The following UBE2O variants were observed in gnomAD, a reference collection of about 807,000 sequenced individuals.
UBE2O encodes ubiquitin conjugating enzyme E2 O, also known as (E3-independent) E2 ubiquitin-conjugating enzyme.
UBE2O carries 15 observed loss-of-function variants against 125.8 expected under a neutral mutation model. That is an observed-to-expected ratio of 0.12 (90% CI 0.08 to 0.18). UBE2O has a LOEUF of 0.18. UBE2O is among the 10% of genes least tolerant of loss of function. UBE2O has a pLI of 1.00. For synonymous variants in UBE2O, 708 were observed against 703.2 expected (o/e 1.01, Z -0.11); for missense variants, 1,280 against 1,723.6 (o/e 0.74, Z 4.56).
At chr17:76,415,710 T>G (rs1218680877) in intron 1 of UBE2O, among the ~76,000 whole-genome samples, 1 of 151,320 alleles carries the variant, frequency 6.6e-6, no homozygotes, top group Non-Finnish European at 1.5e-5. Flanking sequence ...GAGGCCGAGG[T>G]AGGAGAATTG....
Position 76,390,627 on chromosome 17 carries a change from C to G in UBE2O, c.*316G>C. On this transcript the variant is annotated 3_prime_UTR_variant, in exon 18 of 18. Transcript: ENST00000319380. ...GCCCCGCGGCAGGCCCTGGAACACC[C>G]GCCTCTGACCTGAGAAGGGGCAGCA... 1 of 269,180 alleles carries G rather than the reference C, an allele frequency of 3.7e-6. No homozygotes were observed. The allele number at this position is 269,180 out of a possible 1,614,324, so 16.7% of individuals were successfully genotyped here.
rs1016626515 is a variant in UBE2O at position 76,429,151 on chromosome 17, C to T, written c.417+23574G>A. Among the ~76,000 whole-genome samples the T allele has an allele frequency of 5.3e-5, 8 of 151,858 alleles. No homozygotes were observed. The South Asian group carries it at 6.2e-4, about 12-fold the overall frequency. Reference sequence around the variant, plus strand: ...TCCTGACCTCGTGATCTGCCCGCCTCGGCCTCCCAAAGTGCTGGGATTACA... The same window carrying T: ...TCCTGACCTCGTGATCTGCCCGCCTTGGCCTCCCAAAGTGCTGGGATTACA... On this transcript the variant is annotated intron_variant, in intron 1 of 17. Coordinates refer to ENST00000319380, the MANE Select transcript of UBE2O (RefSeq NM_022066.4).
rs980099106 is a variant in UBE2O at position 76,389,578 on chromosome 17, G to A, written c.*1365C>T. On this transcript the variant is annotated 3_prime_UTR_variant, in exon 18 of 18. Coordinates refer to ENST00000319380, the MANE Select transcript of UBE2O (RefSeq NM_022066.4). ...TCACACAGCACTTTATACAGATATC[G>A]TAAGCAGTAGGCATTCACATCTCCA... is the stretch of plus-strand genomic sequence containing the variant. The A allele has an allele frequency of 2.0e-5, 3 of 150,210 alleles. No homozygotes were observed. Among genetic ancestry groups the A allele is most frequent in the Admixed American group, 6.6e-5 (1 of 15,108 alleles). The allele number at this position is 150,210 out of a possible 1,614,324, so 9.3% of individuals were successfully genotyped here.
chr17:76,415,960 CGT>C (rs2072599481), intron 1 of UBE2O, among the ~76,000 whole-genome samples: 2 of 151,576 alleles, frequency 1.3e-5, no homozygotes, highest in Non-Finnish European at 2.9e-5. Flanking sequence ...TGCACATACA[CGT>C]ATATACGTAT....
rs116322643 is a variant in UBE2O at position 76,416,184 on chromosome 17, A to G, written c.418-10612T>C. On this transcript the variant is annotated intron_variant, in intron 1 of 17. Coordinates refer to ENST00000319380, the MANE Select transcript of UBE2O (RefSeq NM_022066.4). ...TATATACACATACGTGTGTGTGTGT[A>G]TATGTATATGTGTATATGTGTGTGT... is the stretch of plus-strand genomic sequence containing the variant. 5.9e-3 allele frequency among the ~76,000 whole-genome samples: 894 copies of G among 151,828 alleles called. 9 individuals carry two copies. The highest frequency in any genetic ancestry group is 0.02 in the African/African-American group (832 of 41,380).
At chr17:76,444,850 G>A (rs559202646) in intron 1 of UBE2O, among the ~76,000 whole-genome samples, 1 of 152,288 alleles carries the variant, frequency 6.6e-6, no homozygotes, top group Admixed American at 6.5e-5. Flanking sequence ...CATGAATACC[G>A]GGATGCTTTC....
Position 76,395,830 on chromosome 17 carries a change from C to G in UBE2O, c.2841G>C (p.Gln947His), listed in dbSNP as rs149193728. 2 of 1,614,208 alleles carry G rather than the reference C, an allele frequency of 1.2e-6. No homozygotes were observed. Among genetic ancestry groups the G allele is most frequent in the Non-Finnish European group, 1.7e-6 (2 of 1,180,042 alleles). ...SNHSFKKIEF[Q>H]PPEAKKFFST... ...TGAAGAACTTCTTGGCTTCTGGAGG[C>G]TGGAACTCAATTTTCTTAAAAGAAT... The change falls in exon 15 of 18, where the codon CAG becomes CAC. Residue 947 changes from glutamine to histidine, a missense_variant. This residue lies in a region of UBE2O where 116 missense variants were observed against 154.8 expected (regional missense o/e 0.75). Coordinates refer to ENST00000319380, the MANE Select transcript of UBE2O (RefSeq NM_022066.4). This position sits in a 1 kb window ranked among gnomAD's most constrained non-coding sequence, Gnocchi z 5.0.
intron 15 of UBE2O, among the ~76,000 whole-genome samples, chr17:76,393,855 G>A (rs553754197): frequency 1.3e-5 from 2 of 152,356 alleles, no homozygotes; most frequent in African/African-American, 4.8e-5. Context: ...AAGCAGGGAA[G>A]GCAGAGCGCT....
chr17:76,448,813 G>A (rs933555049), intron 1 of UBE2O, among the ~76,000 whole-genome samples: 1 of 152,254 alleles, frequency 6.6e-6, no homozygotes, highest in Non-Finnish European at 1.5e-5. Context: ...GGTTTAAGTG[G>A]CTGCTGGCAT....
chr17:76,422,004 T>C (rs1158520942), intron 1 of UBE2O, among the ~76,000 whole-genome samples: 2 of 152,214 alleles, frequency 1.3e-5, no homozygotes, highest in African/African-American at 4.8e-5. Context: ...AATGGGAAGA[T>C]GGAGATGTCT....
At chr17:76,435,362 T>C (rs1160046073) in intron 1 of UBE2O, among the ~76,000 whole-genome samples, 1 of 152,018 alleles carries the variant, frequency 6.6e-6, no homozygotes, top group Non-Finnish European at 1.5e-5. Context: ...CTTTTGAATG[T>C]TGTGATATTT....
At chr17:76,407,310 G>A (rs2072440889) in intron 1 of UBE2O, among the ~76,000 whole-genome samples, 1 of 152,204 alleles carries the variant, frequency 6.6e-6, no homozygotes, top group East Asian at 1.9e-4. Context: ...AGGCATGCTG[G>A]CGTGACGGTG....
At chr17:76,425,725 A>G (rs943165636) in intron 1 of UBE2O, among the ~76,000 whole-genome samples, 1 of 152,244 alleles carries the variant, frequency 6.6e-6, no homozygotes, top group African/African-American at 2.4e-5. Context: ...AACTATGTAC[A>G]TATTGATACT....
Position 76,451,556 on chromosome 17 carries a change from T to C in UBE2O, c.417+1169A>G, listed in dbSNP as rs1483649352. Reference sequence around the variant, plus strand: ...GGCCTTTTTCCTTCTCAAGCCGTTGTCACAGACCCCGCTTTGTAGTTTGAC... The same window carrying C: ...GGCCTTTTTCCTTCTCAAGCCGTTGCCACAGACCCCGCTTTGTAGTTTGAC... On this transcript the variant is annotated intron_variant, in intron 1 of 17. Transcript: ENST00000319380. 1.3e-4 allele frequency among the ~76,000 whole-genome samples: 20 copies of C among 152,198 alleles called. 1 individual carries two copies. The highest frequency in any genetic ancestry group is 1.3e-3 in the Admixed American group (20 of 15,280).
chr17:76,399,776 TC>T lies in UBE2O; in HGVS notation c.1300del (p.Glu434ArgfsTer32), dbSNP rs2072284555. Reference protein sequence around the residue: ...KSEAESASPEETPDGSASPVE... With the variant: ...KSEAESASPEXTPDGSASPVE... Reference sequence around the variant, plus strand: ...TGGACTGGCAGAGCCATCGGGCGTCTCCTCAGGGCTGGCAGACTCCGCTTCG... The same window carrying T: ...TGGACTGGCAGAGCCATCGGGCGTCTCTCAGGGCTGGCAGACTCCGCTTCG... On this transcript the variant is annotated frameshift_variant, in exon 9 of 18. Transcript: ENST00000319380. LOFTEE classifies it high-confidence loss of function. This position sits in a 1 kb window ranked among gnomAD's most constrained non-coding sequence, Gnocchi z 6.9. 1 of 1,614,212 alleles carries T rather than the reference TC, an allele frequency of 6.2e-7. No homozygotes were observed. The highest frequency in any genetic ancestry group is 8.5e-7 in the Non-Finnish European group (1 of 1,180,024).
chr17:76,434,145 T>C (rs2072946502), intron 1 of UBE2O, among the ~76,000 whole-genome samples: 1 of 152,188 alleles, frequency 6.6e-6, no homozygotes, highest in Non-Finnish European at 1.5e-5. Flanking sequence ...TAAGCCTCTC[T>C]GGGCCTGACT....
chr17:76,401,873 CAAAAAAA>C (rs71280851), intron 5 of UBE2O, 184 bp downstream of exon 5: 10 of 146,124 alleles, frequency 6.8e-5, no homozygotes, highest in South Asian at 2.3e-4. Context: ...GACTCTGTCT[CAAAAAAA>C]AAAAAAAAAA....
chr17:76,436,429 T>A (rs2072999348), intron 1 of UBE2O, among the ~76,000 whole-genome samples: 1 of 152,086 alleles, frequency 6.6e-6, no homozygotes, highest in Non-Finnish European at 1.5e-5. Context: ...CAATCAGGAA[T>A]AAAGCTATAA....
rs1419012430 is a variant in UBE2O, at chr17:76,398,931, G to A, written c.1689C>T (p.Ser563=). ...CGTTGGAGCGGATGTTGCATTCCAC[G>A]GAGCCATCCTGCCACATCACGTCGG... ...TSADVMWQDG[S]VECNIRSNDL... is the part of the protein sequence containing the mutation. Residue 563 remains serine, a synonymous_variant, in exon 10 of 18, where the codon TCC becomes TCT. Coordinates refer to ENST00000319380, the MANE Select transcript of UBE2O (RefSeq NM_022066.4). The surrounding 1 kb of genome is among the most constrained non-coding windows in gnomAD (Gnocchi z 5.4). 7 of 1,613,968 alleles carry A rather than the reference G, an allele frequency of 4.3e-6. No individual in the cohort carries two copies. Among genetic ancestry groups the A allele is most frequent in the African/African-American group, 2.7e-5 (2 of 74,910 alleles).
Sources: gnomAD v4.1 joint callset for allele counts (sites outside exome capture counted in the v4.1 genomes callset) on GRCh38, gnomAD v4.1.1 for gene constraint, gnomAD v4.1.1 regional missense constraint, Gnocchi (gnomAD v3.1) non-coding constraint, MANE v1.5 for transcripts, NCBI Gene and HGNC (gene_info 2026-07-23, HGNC 2026-07-21) for gene names.